AKAP6: variants seen among roughly 807,000 people sequenced by gnomAD.
AKAP6 encodes the protein A-kinase anchoring protein 6.
Under a neutral mutation model 188.5 loss-of-function variants are expected in AKAP6, and 58 were observed. The observed-to-expected ratio is 0.31, with a 90% CI of 0.25 to 0.38. The LOEUF (loss-of-function observed/expected upper bound fraction) is 0.38. Among genes scored for constraint, AKAP6 ranks in the 10% least tolerant of loss-of-function variants. The pLI, the probability that AKAP6 is intolerant of heterozygous loss-of-function variation, is 1.00. For missense variants in AKAP6, 2,710 were observed against 2,740.0 expected (o/e 0.99, Z 0.24); for synonymous variants, 989 against 998.6 (o/e 0.99, Z 0.18).
At chr14:32,773,547 G>A (rs1345750309) in intron 11 of AKAP6, 131 bp from the exon 12 acceptor site, 3 of 849,422 alleles carry the variant, frequency 3.5e-6, no homozygotes, top group Non-Finnish European at 3.7e-6. Flanking sequence ...GGACATCAGA[G>A]CTCTTCTTGT....
chr14:32,593,176 A>G (rs555109140), intron 5 of AKAP6, among the ~76,000 whole-genome samples: 1 of 152,256 alleles, frequency 6.6e-6, no homozygotes, highest in East Asian at 1.9e-4. Flanking sequence ...AAATAAGTCT[A>G]GTTTTGAGGA....
intron 7 of AKAP6, among the ~76,000 whole-genome samples, chr14:32,662,418 A>T (rs1888743350): frequency 6.6e-6 from 1 of 152,104 alleles, no homozygotes; most frequent in South Asian, 2.1e-4. Flanking sequence ...ACTCAAACTG[A>T]GGTCCTAGCA....
chr14:32,345,241 T>C (rs1887031151), intron 1 of AKAP6, among the ~76,000 whole-genome samples: 1 of 152,232 alleles, frequency 6.6e-6, no homozygotes, highest in South Asian at 2.1e-4. Context: ...TCACACAGTC[T>C]ATCACATACA....
intron 2 of AKAP6, among the ~76,000 whole-genome samples, chr14:32,436,607 T>A (rs1439346646): frequency 1.3e-5 from 2 of 152,224 alleles, no homozygotes; most frequent in African/African-American, 4.8e-5. Flanking sequence ...ACCTTTAGCC[T>A]TGCAGTTTAT....
intron 2 of AKAP6, among the ~76,000 whole-genome samples, chr14:32,534,295 A>T (rs1257971534): frequency 6.6e-6 from 1 of 152,178 alleles, no homozygotes; most frequent in Non-Finnish European, 1.5e-5. Context: ...GCTCAGTTTT[A>T]AAAAATCACT....
intron 9 of AKAP6, among the ~76,000 whole-genome samples, chr14:32,701,033 G>T (rs1464086298): frequency 2.6e-5 from 4 of 151,996 alleles, no homozygotes; most frequent in African/African-American, 9.7e-5. Flanking sequence ...AATTTTGTAG[G>T]TTAGTTACTC....
chr14:32,769,116 C>T (rs993168703), intron 11 of AKAP6, among the ~76,000 whole-genome samples: 2 of 125,566 alleles, frequency 1.6e-5, no homozygotes, highest in African/African-American at 2.9e-5. Flanking sequence ...GGCACGATCT[C>T]GGCCCACTGC....
intron 2 of AKAP6, among the ~76,000 whole-genome samples, chr14:32,455,714 G>C (rs1012921147): frequency 2.0e-5 from 3 of 152,156 alleles, no homozygotes; most frequent in Non-Finnish European, 4.4e-5. Flanking sequence ...GTTGCTAGGG[G>C]AACAATATGG....
chr14:32,833,256 A>G lies in AKAP6; in HGVS notation c.*3451A>G, dbSNP rs762325349. 6 of 152,216 alleles carry G rather than the reference A, an allele frequency of 3.9e-5. No individual in the cohort carries two copies. The highest frequency in any genetic ancestry group is 4.1e-4 in the South Asian group (2 of 4,836). The allele number at this position is 152,216 out of a possible 1,614,324, so 9.4% of individuals were successfully genotyped here. ...ATTTGGCATTAGGTATATAAAGGCA[A>G]CTAACACATGGTATCTGTCTCCAAA... is the stretch of plus-strand genomic sequence containing the variant. On this transcript the variant is annotated 3_prime_UTR_variant, in exon 14 of 14. Transcript: ENST00000280979.
chr14:32,829,612 CT>C (rs201787252), intron 13 of AKAP6, among the ~76,000 whole-genome samples: 9 of 96,874 alleles, frequency 9.3e-5, no homozygotes, highest in Non-Finnish European at 1.4e-4. Flanking sequence ...GAAACCACGT[CT>C]TTTTAAAAAA....
chr14:32,412,930 A>G (rs1889534761), intron 1 of AKAP6, among the ~76,000 whole-genome samples: 1 of 152,140 alleles, frequency 6.6e-6, no homozygotes, highest in African/African-American at 2.4e-5. Flanking sequence ...TTTTTTCTCA[A>G]TCTTGAAATT....
chr14:32,432,914 C>T (rs967737994), intron 1 of AKAP6, among the ~76,000 whole-genome samples: 4 of 152,298 alleles, frequency 2.6e-5, no homozygotes, highest in Middle Eastern at 3.4e-3. Flanking sequence ...CATGCTCCAC[C>T]GTCCTCTACC....
At chr14:32,428,550 G>GA (rs1177716829) in intron 1 of AKAP6, among the ~76,000 whole-genome samples, 2 of 152,056 alleles carry the variant, frequency 1.3e-5, no homozygotes, top group African/African-American at 4.8e-5. Flanking sequence ...GGCCGTTAGG[G>GA]AAAAAACCAT....
intron 7 of AKAP6, among the ~76,000 whole-genome samples, chr14:32,640,681 G>C (rs1440538346): frequency 6.6e-6 from 1 of 152,096 alleles, no homozygotes; most frequent in East Asian, 1.9e-4. Context: ...ACCCTCGATT[G>C]ACTGAGAATC....
intron 2 of AKAP6, among the ~76,000 whole-genome samples, chr14:32,491,324 C>T (rs1275125562): frequency 6.6e-6 from 1 of 152,188 alleles, no homozygotes; most frequent in Non-Finnish European, 1.5e-5. Flanking sequence ...ATCTCCACTG[C>T]CTTTGCTTAG....
intron 8 of AKAP6, among the ~76,000 whole-genome samples, chr14:32,680,049 C>A (rs1889608034): frequency 6.6e-6 from 1 of 152,106 alleles, no homozygotes. Context: ...GCTTCTGACC[C>A]CAGATTCCAG....
intron 2 of AKAP6, among the ~76,000 whole-genome samples, chr14:32,499,400 G>A (rs1257890563): frequency 1.3e-5 from 2 of 151,242 alleles, no homozygotes; most frequent in Non-Finnish European, 2.9e-5. Context: ...CAAAGTTCTG[G>A]GATAATAAGC....
intron 2 of AKAP6, among the ~76,000 whole-genome samples, chr14:32,496,237 A>G (rs1880306954): frequency 6.6e-6 from 1 of 152,222 alleles, no homozygotes; most frequent in Non-Finnish European, 1.5e-5. Context: ...GAATCTATGT[A>G]TAAAATGAAT....
intron 5 of AKAP6, among the ~76,000 whole-genome samples, chr14:32,585,212 A>G (rs1885178976): frequency 6.6e-6 from 1 of 152,202 alleles, no homozygotes; most frequent in Non-Finnish European, 1.5e-5. Context: ...AATCATTCAC[A>G]AGGAGACAAA....
Sources: allele counts gnomAD v4.1 joint callset (sites outside exome capture counted in the v4.1 genomes callset), GRCh38; gene constraint gnomAD v4.1.1; transcripts MANE v1.5; gene names NCBI Gene and HGNC (gene_info 2026-07-23, HGNC 2026-07-21).